WRNIP1: variants seen among roughly 807,000 people sequenced by gnomAD.
WRNIP1 encodes the protein WRN helicase interacting protein 1.
A neutral mutation model predicts 56.1 loss-of-function variants in WRNIP1; 41 were observed. The observed-to-expected ratio is 0.73, with a 90% CI of 0.57 to 0.95. The LOEUF (loss-of-function observed/expected upper bound fraction) is 0.95, where lower values mean the gene tolerates loss of function less well. Among genes scored for constraint, WRNIP1 ranks in the 40% least tolerant of loss-of-function variants. WRNIP1 has a pLI of 0.00. For synonymous variants in WRNIP1, 547 were observed against 398.1 expected, an observed-to-expected ratio of 1.37 and a Z score of -4.45; for missense variants, 1,170 against 939.4, an observed-to-expected ratio of 1.25 and a Z score of -3.21.
intron 4 of WRNIP1, among the ~76,000 whole-genome samples, chr6:2,781,948 T>C (rs1196619362): frequency 6.6e-6 from 1 of 152,280 alleles, no homozygotes; most frequent in Non-Finnish European, 1.5e-5. Context: ...CCAGGCTGTT[T>C]GGTCCCAGAG....
At chr6:2,773,022 C>T (rs915890944) in intron 3 of WRNIP1, 1 of 985,310 alleles carries the variant, frequency 1.0e-6, no homozygotes, top group African/African-American at 1.7e-5. Context: ...AAGTCCCAGG[C>T]TGTTGAACTG....
Position 2,771,536 on chromosome 6 carries a change from A to C in WRNIP1, c.1256+1175A>C, listed in dbSNP as rs542736225. On this transcript the variant is annotated intron_variant, in intron 3 of 6. Transcript: ENST00000380773. ...AGCCTAAGGGGGCTGCCAGCTCCTCATATGTAGTACAGGTTGAGTATCCCA... is the reference window on the plus strand; with the variant it reads ...AGCCTAAGGGGGCTGCCAGCTCCTCCTATGTAGTACAGGTTGAGTATCCCA... Among the ~76,000 whole-genome samples, 3 of 152,316 alleles carry C rather than the reference A, an allele frequency of 2.0e-5. No homozygotes were observed. The East Asian group carries it at 5.8e-4, about 29-fold the overall frequency.
intron 2 of WRNIP1, among the ~76,000 whole-genome samples, chr6:2,769,462 CTA>C (rs969606683): frequency 2.6e-5 from 4 of 151,602 alleles, no homozygotes; most frequent in African/African-American, 9.7e-5. Context: ...GAGCTATACT[CTA>C]AATAAAAAAA....
intron 2 of WRNIP1, among the ~76,000 whole-genome samples, chr6:2,769,481 A>G (rs932389323): frequency 6.6e-6 from 1 of 152,152 alleles, no homozygotes. Context: ...AAAAAATTAA[A>G]TTTTTAGGCA....
intron 3 of WRNIP1, among the ~76,000 whole-genome samples, chr6:2,772,691 G>C (rs1334524271): frequency 6.6e-6 from 1 of 152,178 alleles, no homozygotes; most frequent in Non-Finnish European, 1.5e-5. Flanking sequence ...AGTTAAGTTA[G>C]GAGATATCAT....
At chr6:2,774,411 T>G (rs1383419593) in intron 3 of WRNIP1, 2 of 354,938 alleles carry the variant, frequency 5.6e-6, no homozygotes, top group African/African-American at 2.2e-5. Flanking sequence ...CTGATGGCCC[T>G]TGGCATTCCT....
In WRNIP1 at chr6:2,765,780, G is replaced by T. The variant is rs1468697457; in HGVS notation, c.158G>T (p.Gly53Val). 1 of 1,443,420 alleles carries T rather than the reference G, an allele frequency of 6.9e-7. No individual in the cohort carries two copies. The highest frequency in any genetic ancestry group is 9.1e-7 in the Non-Finnish European group (1 of 1,099,796). The allele number at this position is 1,443,420 out of a possible 1,614,324, so 89.4% of individuals were successfully genotyped here. ...GCGGGGCACGCGGAGCCCGCGGCCG[G>T]GTCGCACCGCGCCGGGGAGCGGGCC... The part of the protein sequence containing the change: ...HPAGHAEPAA[G>V]SHRAGERAKG... Residue 53 changes from glycine to valine, a missense_variant, in exon 1 of 7, where the codon GGG (glycine) becomes GTG (valine). Transcript: ENST00000380773.
In WRNIP1 at chr6:2,786,009, G is replaced by A. The variant is rs1765701947; in HGVS notation, c.*727G>A. 1 of 151,884 alleles carries A rather than the reference G, an allele frequency of 6.6e-6. No homozygotes were observed. The highest frequency in any genetic ancestry group is 2.1e-4 in the South Asian group (1 of 4,834). The allele number at this position is 151,884 out of a possible 1,614,324, so 9.4% of individuals were successfully genotyped here. ...CCACTTGTCCTGGTTTCTTCTTGCA[G>A]CTCCATATTTCTAAACAGTCGTTTT... On this transcript the variant is annotated 3_prime_UTR_variant, in exon 7 of 7. Transcript: ENST00000380773.
At chr6:2,768,935 AGTGT>A (rs1238967310) in intron 2 of WRNIP1, 53 bp downstream of exon 2, 1 of 1,527,430 alleles carries the variant, frequency 6.5e-7, no homozygotes, top group African/African-American at 1.4e-5. Context: ...AACAATATAA[AGTGT>A]GTGAGATCAC....
intron 4 of WRNIP1, 33 bp from the exon 5 acceptor site, chr6:2,783,373 G>A (rs375954111): frequency 9.2e-6 from 14 of 1,529,202 alleles, no homozygotes; most frequent in Non-Finnish European, 1.2e-5. Flanking sequence ...CCTCCTGTGA[G>A]CTCTGTGTGA....
At chr6:2,769,945 A>G (rs1269539563) in intron 2 of WRNIP1, among the ~76,000 whole-genome samples, 175 bp from the exon 3 acceptor site, 1 of 152,216 alleles carries the variant, frequency 6.6e-6, no homozygotes, top group African/African-American at 2.4e-5. Flanking sequence ...CTTAAAAGCA[A>G]GAGTTGTACT....
In WRNIP1 at chr6:2,785,539, T is replaced by C. The variant is rs1345989091; in HGVS notation, c.*257T>C. On this transcript the variant is annotated 3_prime_UTR_variant, in exon 7 of 7. Transcript: ENST00000380773. ...AGCTTTGTGCAATGAATTAATGTTATAAGGAATTATCTATTTTGTCATAGT... is the reference window on the plus strand; with the variant it reads ...AGCTTTGTGCAATGAATTAATGTTACAAGGAATTATCTATTTTGTCATAGT... 10 of 482,468 alleles carry C rather than the reference T, an allele frequency of 2.1e-5. No homozygotes were observed. Among genetic ancestry groups the C allele is most frequent in the Admixed American group, 7.5e-5 (2 of 26,614 alleles). 29.9% of individuals were successfully genotyped at this position (482,468 alleles called of 1,614,324 possible). A position where few individuals can be genotyped will look rare whatever the true frequency, so the allele number is the denominator to read the frequency against.
At chr6:2,774,156 T>A (rs936171378) in intron 3 of WRNIP1, 28 of 984,988 alleles carry the variant, frequency 2.8e-5, no homozygotes, top group Admixed American at 2.5e-4. Context: ...TATTTAAAAA[T>A]TTTTTAAGTA....
Position 2,766,299 on chromosome 6 carries a change from C to T in WRNIP1, c.677C>T (p.Pro226Leu), listed in dbSNP as rs565906761. The change falls in exon 1 of 7, where the codon CCG becomes CTG. Residue 226 changes from proline (P) to leucine (L), a missense_variant. Transcript: ENST00000380773. The stretch of plus-strand genomic sequence containing the variant: ...ATCCGACAGATGCTACAGGGCAAGC[C>T]GCTGGCCGACACGATGCGTCCTGAC... ...EEIRQMLQGKPLADTMRPDTL... is the reference protein window; with the variant it reads ...EEIRQMLQGKLLADTMRPDTL... 5.2e-5 allele frequency: 83 copies of T among 1,607,478 alleles called. No individual in the cohort carries two copies. Among genetic ancestry groups the T allele is most frequent in the Middle Eastern group, 3.4e-4 (2 of 5,904 alleles).
rs867848195 is a variant in WRNIP1 at position 2,767,578 on chromosome 6, G to A, written c.823-1113G>A. 2.6e-5 allele frequency among the ~76,000 whole-genome samples: 4 copies of A among 152,246 alleles called. No individual in the cohort carries two copies. In the South Asian group the frequency reaches 8.3e-4, roughly 31 times the overall value. On this transcript the variant is annotated intron_variant, in intron 1 of 6. Coordinates refer to ENST00000380773, the MANE Select transcript of WRNIP1 (RefSeq NM_020135.3). The stretch of plus-strand genomic sequence containing the variant: ...TCTATCCCAAATAACATCTTATGAT[G>A]ATGGTGGTCGAGTTGTTGACGTCTG...
Position 2,766,190 on chromosome 6 carries a change from G to C in WRNIP1, c.568G>C (p.Asp190His). 1 of 1,396,334 alleles carries C rather than the reference G, an allele frequency of 7.2e-7. No individual in the cohort carries two copies. Among genetic ancestry groups the C allele is most frequent in the Non-Finnish European group, 9.3e-7 (1 of 1,076,500 alleles). The allele number at this position is 1,396,334 out of a possible 1,614,324, so 86.5% of individuals were successfully genotyped here. Residue 190 changes from aspartate (D) to histidine (H), a missense_variant, in exon 1 of 7, where the codon GAC becomes CAC. Transcript: ENST00000380773. ...CGGCGAGGACGACCCGGGGCACTGGGACGCGGACGCTGCCGAAGCCGCCAC... is the reference window on the plus strand; with the variant it reads ...CGGCGAGGACGACCCGGGGCACTGGCACGCGGACGCTGCCGAAGCCGCCAC... ...ADGEDDPGHW[D>H]ADAAEAATAF... is the part of the protein sequence containing the mutation.
intron 3 of WRNIP1, among the ~76,000 whole-genome samples, chr6:2,776,751 C>A (rs1223363549): frequency 6.6e-6 from 1 of 152,098 alleles, no homozygotes; most frequent in Non-Finnish European, 1.5e-5. Flanking sequence ...TAGTAAATAC[C>A]ATGGTATATA....
chr6:2,774,208 T>C, intron 3 of WRNIP1: 1 of 985,412 alleles, frequency 1.0e-6, no homozygotes, highest in South Asian at 4.7e-5. Context: ...AATACAAGGG[T>C]GCATTAAAAT....
At chr6:2,783,815 G>A (rs568215680) in intron 5 of WRNIP1, among the ~76,000 whole-genome samples, 16 of 152,080 alleles carry the variant, frequency 1.1e-4, no homozygotes, top group South Asian at 2.1e-4. Flanking sequence ...TTTCCTCTTC[G>A]GGAATGTTTT....
Sources: allele counts gnomAD v4.1 joint callset (sites outside exome capture counted in the v4.1 genomes callset), GRCh38; gene constraint gnomAD v4.1.1; transcripts MANE v1.5; gene names NCBI Gene and HGNC (gene_info 2026-07-23, HGNC 2026-07-21).